SMIM18: variants seen among roughly 807,000 people sequenced by gnomAD.
The protein encoded by SMIM18 is small integral membrane protein 18.
In SMIM18, 4 loss-of-function variants were observed where a neutral mutation model predicts 5.9. The observed-to-expected ratio is 0.68, with a 90% CI of 0.33 to 1.56. The LOEUF (loss-of-function observed/expected upper bound fraction) is 1.56. Among genes scored for constraint, SMIM18 ranks in the 40% most tolerant of loss-of-function variants. The probability of loss-of-function intolerance (pLI) is 0.06; values close to 1 mark genes in which losing one functional copy is unlikely to be tolerated. For synonymous variants in SMIM18, 37 were observed against 37.4 expected (o/e 0.99, Z 0.04); for missense variants, 89 against 109.7 (o/e 0.81, Z 0.84).
chr8:30,643,802 C>T (rs1222999610), intron 1 of SMIM18: 3 of 150,434 alleles, frequency 2.0e-5, no homozygotes, highest in Non-Finnish European at 4.4e-5. Context: ...ATCTGCAAGG[C>T]TAGTAAGAAA....
chr8:30,644,551 A>G lies in SMIM18; in HGVS notation c.-51A>G, dbSNP rs1801990190. 6.6e-6 allele frequency: 1 copy of G among 152,212 alleles called. No individual in the cohort carries two copies. The highest frequency in any genetic ancestry group is 1.5e-5 in the Non-Finnish European group (1 of 68,038). The allele number at this position is 152,212 out of a possible 1,614,324, so 9.4% of individuals were successfully genotyped here. On this transcript the variant is annotated 5_prime_UTR_variant, in exon 2 of 3. Transcript: ENST00000517349. ...GTTTAAAGAAGGGGAAACAGGAGACAGAAATACACTGAACCAAAAAGGTAA... is the reference window on the plus strand; with the variant it reads ...GTTTAAAGAAGGGGAAACAGGAGACGGAAATACACTGAACCAAAAAGGTAA...
At position 30,645,685 on chromosome 8, in the gene SMIM18, A is replaced by G. The variant is rs993978893; in HGVS notation, c.*88A>G. 11 of 1,294,582 alleles carry G rather than the reference A, an allele frequency of 8.5e-6. No homozygotes were observed. In the African/African-American group the frequency reaches 1.5e-4, roughly 18 times the overall value. 80.2% of individuals were successfully genotyped at this position (1,294,582 alleles called of 1,614,324 possible). A position where few individuals can be genotyped will look rare whatever the true frequency, so the allele number is the denominator to read the frequency against. On this transcript the variant is annotated 3_prime_UTR_variant, in exon 3 of 3. Coordinates refer to ENST00000517349, the MANE Select transcript of SMIM18 (RefSeq NM_001206847.2). ...TATTCTGAGGCCAACTGTTGCTACAAAACAAATTCTGACTGAATGGTTAAA... is the reference window on the plus strand; with the variant it reads ...TATTCTGAGGCCAACTGTTGCTACAGAACAAATTCTGACTGAATGGTTAAA...
intron 2 of SMIM18, among the ~76,000 whole-genome samples, chr8:30,644,891 T>C (rs534533007): frequency 2.9e-4 from 44 of 152,122 alleles, no homozygotes; most frequent in African/African-American, 9.9e-4. Flanking sequence ...GCTGGGACTA[T>C]AGGCACACAC....
At chr8:30,638,813 T>C (rs1205518603) in intron 1 of SMIM18, among the ~76,000 whole-genome samples, 174 bp downstream of exon 1, 1 of 152,260 alleles carries the variant, frequency 6.6e-6, no homozygotes, top group East Asian at 1.9e-4. Context: ...GAAGACTGCC[T>C]TGTGCTATTT....
At chr8:30,642,915 T>C (rs1424090465) in intron 1 of SMIM18, among the ~76,000 whole-genome samples, 1 of 152,198 alleles carries the variant, frequency 6.6e-6, no homozygotes, top group East Asian at 1.9e-4. Context: ...CCTGAAAATA[T>C]TTTAAGCAGT....
Position 30,645,890 on chromosome 8 carries a change from G to A in SMIM18, c.*293G>A, listed in dbSNP as rs79269387. 2.3e-5 allele frequency: 6 copies of A among 266,504 alleles called. No individual in the cohort carries two copies. The East Asian group carries it at 3.4e-4, about 15-fold the overall frequency. 16.5% of individuals were successfully genotyped at this position (266,504 alleles called of 1,614,324 possible). A position where few individuals can be genotyped will look rare whatever the true frequency, so the allele number is the denominator to read the frequency against. On this transcript the variant is annotated 3_prime_UTR_variant, in exon 3 of 3. Transcript: ENST00000517349. ...ATATTAAGCAGCAAAAGATAAGCTGGAAAAGACAAGCAAGGCTAATGATGC... is the reference window on the plus strand; with the variant it reads ...ATATTAAGCAGCAAAAGATAAGCTGAAAAAGACAAGCAAGGCTAATGATGC...
Position 30,645,680 on chromosome 8 carries a change from C to T in SMIM18, c.*83C>T, listed in dbSNP as rs556180850. 16 of 1,315,540 alleles carry T rather than the reference C, an allele frequency of 1.2e-5. No homozygotes were observed. The South Asian group carries it at 2.0e-4, about 16-fold the overall frequency. 81.5% of individuals were successfully genotyped at this position (1,315,540 alleles called of 1,614,324 possible). A position where few individuals can be genotyped will look rare whatever the true frequency, so the allele number is the denominator to read the frequency against. On this transcript the variant is annotated 3_prime_UTR_variant, in exon 3 of 3. Coordinates refer to ENST00000517349, the MANE Select transcript of SMIM18 (RefSeq NM_001206847.2). The stretch of plus-strand genomic sequence containing the variant: ...AAATATATTCTGAGGCCAACTGTTG[C>T]TACAAAACAAATTCTGACTGAATGG...
intron 1 of SMIM18, among the ~76,000 whole-genome samples, chr8:30,644,147 C>T (rs551533372): frequency 1.3e-4 from 20 of 152,150 alleles, no homozygotes; most frequent in Non-Finnish European, 2.5e-4. Flanking sequence ...TTCCTCATTA[C>T]TATAGTTCCA....
intron 1 of SMIM18, among the ~76,000 whole-genome samples, chr8:30,640,777 T>A (rs995084547): frequency 6.6e-6 from 1 of 152,188 alleles, no homozygotes; most frequent in Admixed American, 6.5e-5. Flanking sequence ...CAATCTTGGC[T>A]CACTGCAACC....
rs1802049606 is a variant in SMIM18 at position 30,645,692 on chromosome 8, T to G, written c.*95T>G. 1.6e-6 allele frequency: 2 copies of G among 1,243,104 alleles called. No homozygotes were observed. The highest frequency in any genetic ancestry group is 3.0e-5 in the African/African-American group (2 of 65,958). The allele number at this position is 1,243,104 out of a possible 1,614,324, so 77.0% of individuals were successfully genotyped here. A position where few individuals can be genotyped will look rare whatever the true frequency, so the allele number is the denominator to read the frequency against. ...AGGCCAACTGTTGCTACAAAACAAA[T>G]TCTGACTGAATGGTTAAAACATTTC... On this transcript the variant is annotated 3_prime_UTR_variant, in exon 3 of 3. Coordinates refer to ENST00000517349, the MANE Select transcript of SMIM18 (RefSeq NM_001206847.2).
intron 2 of SMIM18, among the ~76,000 whole-genome samples, 178 bp downstream of exon 2, chr8:30,644,750 A>ATTT (rs5890531): frequency 2.1e-5 from 3 of 141,486 alleles, no homozygotes; most frequent in African/African-American, 5.2e-5. Context: ...CGGTATATGA[A>ATTT]TTTTTTTTTT....
At chr8:30,638,782 A>G (rs1226797274) in intron 1 of SMIM18, 143 bp downstream of exon 1, 1 of 152,356 alleles carries the variant, frequency 6.6e-6, no homozygotes. Flanking sequence ...ACCGCTTGGT[A>G]GGATTTTATT....
In SMIM18 at chr8:30,645,569, T is replaced by C. The variant is rs1487035701; in HGVS notation, c.260T>C (p.Ile87Thr). ...CCTCTTAGAAGTATGATGGACAACA[T>C]CAGAAAACGTGAAACTGAAGTGGTC... ...PNPLRSMMDN[I>T]RKRETEVV Residue 87 changes from isoleucine to threonine, a missense_variant, in exon 3 of 3, where the codon ATC becomes ACC. Physicochemically the swap from Ile to Thr is moderately conservative, Grantham distance 89. Transcript: ENST00000517349. 2 of 1,535,536 alleles carry C rather than the reference T, an allele frequency of 1.3e-6. No homozygotes were observed. Among genetic ancestry groups the C allele is most frequent in the Non-Finnish European group, 1.7e-6 (2 of 1,146,864 alleles).
At chr8:30,644,164 C>T (rs1239259859) in intron 1 of SMIM18, among the ~76,000 whole-genome samples, 3 of 152,160 alleles carry the variant, frequency 2.0e-5, no homozygotes, top group Non-Finnish European at 4.4e-5. Flanking sequence ...TCCATACTGA[C>T]AAATCTTTGA....
chr8:30,640,936 C>T (rs1413555539), intron 1 of SMIM18, among the ~76,000 whole-genome samples: 1 of 152,164 alleles, frequency 6.6e-6, no homozygotes, highest in African/African-American at 2.4e-5. Flanking sequence ...AACTTATGAC[C>T]TCAGGTGATC....
chr8:30,641,420 T>C (rs531017300), intron 1 of SMIM18, among the ~76,000 whole-genome samples: 6 of 152,300 alleles, frequency 3.9e-5, no homozygotes, highest in Admixed American at 2.0e-4. Flanking sequence ...GGGAGTGCAA[T>C]GGAGAAATCA....
At chr8:30,639,807 G>A (rs1448271894) in intron 1 of SMIM18, among the ~76,000 whole-genome samples, 2 of 148,668 alleles carry the variant, frequency 1.3e-5, no homozygotes, top group South Asian at 2.1e-4. Flanking sequence ...TTTCTTAGTC[G>A]GCATTCAGCT....
At chr8:30,639,449 C>T (rs1433722391) in intron 1 of SMIM18, among the ~76,000 whole-genome samples, 1 of 152,086 alleles carries the variant, frequency 6.6e-6, no homozygotes. Context: ...AACTGATCCT[C>T]AAAATAAATA....
intron 1 of SMIM18, 128 bp downstream of exon 1, chr8:30,638,767 G>A (rs997785725): frequency 2.9e-4 from 44 of 152,324 alleles, no homozygotes; most frequent in African/African-American, 8.9e-4. Context: ...CAATGTATTC[G>A]TTTCACCGCT....
Sources: allele counts gnomAD v4.1 joint callset (sites outside exome capture counted in the v4.1 genomes callset), GRCh38; gene constraint gnomAD v4.1.1; transcripts MANE v1.5; gene names NCBI Gene and HGNC (gene_info 2026-07-23, HGNC 2026-07-21).